MIAT: variants seen among roughly 807,000 people sequenced by gnomAD.
MIAT encodes myocardial infarction associated transcript, also known as MI related novel mRNA.
chr22:26,657,173 T>C, intron 2 of MIAT: 1 of 225,462 alleles, frequency 4.4e-6, no homozygotes, highest in Admixed American at 5.8e-5. Context: ...CCCGCGCCTC[T>C]CCAGCCCTGA....
intron 2 of MIAT, among the ~76,000 whole-genome samples, chr22:26,654,836 C>T (rs1394408193): frequency 5.3e-5 from 8 of 152,070 alleles, no homozygotes; most frequent in African/African-American, 1.9e-4. Flanking sequence ...CTCAGCCTCC[C>T]GAGTAGCTGG....
chr22:26,666,061 A>G (rs761052216), exon 4 of MIAT: 1 of 398,418 alleles, frequency 2.5e-6, no homozygotes, highest in Admixed American at 4.4e-5. Flanking sequence ...CTTTAGATGC[A>G]TTTTTCTCAG....
chr22:26,654,191 CTCTGGTG>C (rs1489684470), intron 2 of MIAT, among the ~76,000 whole-genome samples: 1 of 152,184 alleles, frequency 6.6e-6, no homozygotes, highest in Non-Finnish European at 1.5e-5. Flanking sequence ...CAGCCCTTAT[CTCTGGTG>C]TCTGGCTTTC....
intron 5 of MIAT, among the ~76,000 whole-genome samples, chr22:26,667,514 G>C (rs144881988): frequency 6.6e-6 from 1 of 152,178 alleles, no homozygotes; most frequent in Non-Finnish European, 1.5e-5. Context: ...GCCATCAAAG[G>C]CCTCTGAAAG....
chr22:26,646,883 G>A (rs1271841764), exon 1 of MIAT: 6 of 398,668 alleles, frequency 1.5e-5, no homozygotes, highest in Non-Finnish European at 2.7e-5. Context: ...ATAGAGACAG[G>A]TAGATAGGAT....
chr22:26,661,923 T>TATATGGATCTATATAGATCC, intron 2 of MIAT, among the ~76,000 whole-genome samples: 2 of 18,022 alleles, frequency 1.1e-4, no homozygotes, highest in African/African-American at 9.5e-4. Context: ...GATCCATATA[T>TATATGGATCTATATAGATCC]ATATATATAT....
intron 2 of MIAT, among the ~76,000 whole-genome samples, chr22:26,657,871 G>C (rs888731133): frequency 6.6e-6 from 1 of 152,228 alleles, no homozygotes; most frequent in Non-Finnish European, 1.5e-5. Flanking sequence ...TGGCTGGGAT[G>C]GGGGGTGAGG....
chr22:26,661,076 T>C (rs1238999245), intron 2 of MIAT, among the ~76,000 whole-genome samples: 1 of 152,232 alleles, frequency 6.6e-6, no homozygotes, highest in Non-Finnish European at 1.5e-5. Context: ...AGTGATTTGC[T>C]TTTATTTCTG....
chr22:26,663,673 T>G (rs1930748548), intron 3 of MIAT, among the ~76,000 whole-genome samples: 1 of 152,154 alleles, frequency 6.6e-6, no homozygotes, highest in Non-Finnish European at 1.5e-5. Context: ...ATCTGGCACT[T>G]TTTAGTTCCA....
intron 3 of MIAT, among the ~76,000 whole-genome samples, chr22:26,664,214 GT>G (rs1930769281): frequency 6.6e-6 from 1 of 152,008 alleles, no homozygotes; most frequent in Non-Finnish European, 1.5e-5. Context: ...GCTTTGCCGT[GT>G]TGGCCAGGCT....
exon 6 of MIAT, chr22:26,668,865 C>G: frequency 2.5e-6 from 1 of 398,696 alleles, no homozygotes; most frequent in Admixed American, 4.4e-5. Context: ...GGAGGGGCAG[C>G]CAGAGGGGCT....
chr22:26,668,017 CCTGTGTG>C, intron 5 of MIAT: 1 of 397,236 alleles, frequency 2.5e-6, no homozygotes, highest in Non-Finnish European at 4.4e-6. Context: ...TCACTTCCAC[CCTGTGTG>C]TGTGCTGGGG....
chr22:26,665,087 AT>A (rs1930795129), intron 3 of MIAT, among the ~76,000 whole-genome samples: 1 of 152,030 alleles, frequency 6.6e-6, no homozygotes, highest in East Asian at 1.9e-4. Flanking sequence ...TAAAAAAAAA[AT>A]AAGTTAGCCG....
chr22:26,659,894 G>A, intron 2 of MIAT, among the ~76,000 whole-genome samples: 1 of 138,932 alleles, frequency 7.2e-6, no homozygotes, highest in Non-Finnish European at 1.5e-5. Flanking sequence ...GGAGTGCAGT[G>A]GTGTGATCTT....
chr22:26,647,192 C>G (rs764728314), exon 2 of MIAT: 91 of 398,428 alleles, frequency 2.3e-4, no homozygotes, highest in Non-Finnish European at 5.3e-5. Context: ...GAGAAGCCCT[C>G]CAGAACCGCA....
chr22:26,647,669 C>A (rs768542023), intron 2 of MIAT, among the ~76,000 whole-genome samples: 2 of 152,112 alleles, frequency 1.3e-5, no homozygotes, highest in African/African-American at 2.4e-5. Context: ...AGGTTGCTCT[C>A]CATCTTGAGA....
intron 2 of MIAT, among the ~76,000 whole-genome samples, chr22:26,653,473 T>A (rs1930373727): frequency 6.6e-6 from 1 of 152,142 alleles, no homozygotes; most frequent in Non-Finnish European, 1.5e-5. Flanking sequence ...AGAACTAACA[T>A]AACTAACTCA....
chr22:26,663,555 G>A (rs939803592), intron 3 of MIAT: 3 of 391,532 alleles, frequency 7.7e-6, no homozygotes, highest in Non-Finnish European at 9.0e-6. Context: ...TTCCCCAATC[G>A]TGGCTTTCCC....
At chr22:26,648,554 G>GTT (rs770401693) in intron 2 of MIAT, among the ~76,000 whole-genome samples, 49 of 101,202 alleles carry the variant, frequency 4.8e-4, no homozygotes, top group African/African-American at 1.4e-3. Context: ...GTTTGATGGG[G>GTT]TTTTGTTTTT....
Sources: allele counts gnomAD v4.1 joint callset (sites outside exome capture counted in the v4.1 genomes callset), GRCh38; gene constraint gnomAD v4.1.1; transcripts MANE v1.5; gene names NCBI Gene and HGNC (gene_info 2026-07-23, HGNC 2026-07-21).